ATRNL1: variants seen among roughly 807,000 people sequenced by gnomAD.
ATRNL1 encodes attractin-like protein 1.
In ATRNL1, 95 loss-of-function variants were observed where a neutral mutation model predicts 182.7. The observed-to-expected ratio is 0.52, with a 90% CI of 0.44 to 0.62. The LOEUF is 0.62. Ranked by LOEUF, ATRNL1 falls within the 20% of genes least tolerant of loss-of-function variation. The pLI is 0.00. For missense variants in ATRNL1, 1,471 were observed against 1,679.5 expected (o/e 0.88, Z 2.17); for synonymous variants, 576 against 568.3 (o/e 1.01, Z -0.19).
At chr10:115,202,732 T>A (rs1362809783) in intron 8 of ATRNL1, among the ~76,000 whole-genome samples, 1 of 146,400 alleles carries the variant, frequency 6.8e-6, no homozygotes, top group East Asian at 2.0e-4. Context: ...GGTATCAGGA[T>A]GATGCTGGCC....
chr10:115,727,074 A>T (rs1947622047), intron 26 of ATRNL1, among the ~76,000 whole-genome samples, 174 bp from the exon 27 acceptor site: 1 of 152,204 alleles, frequency 6.6e-6, no homozygotes, highest in African/African-American at 2.4e-5. Flanking sequence ...GTGGACATAC[A>T]GCCAAGGCCA....
chr10:115,393,196 T>C (rs1844117203), intron 19 of ATRNL1, among the ~76,000 whole-genome samples: 1 of 152,190 alleles, frequency 6.6e-6, no homozygotes, highest in African/African-American at 2.4e-5. Flanking sequence ...GCCCCTTTTA[T>C]TGACTCTATC....
intron 15 of ATRNL1, among the ~76,000 whole-genome samples, chr10:115,293,019 A>G (rs1340801428): frequency 2.0e-5 from 3 of 152,072 alleles, no homozygotes; most frequent in African/African-American, 7.2e-5. Flanking sequence ...TATTTTCCTT[A>G]TGTATCTAAG....
At chr10:115,541,826 A>G (rs1554992071) in intron 25 of ATRNL1, among the ~76,000 whole-genome samples, 1 of 152,192 alleles carries the variant, frequency 6.6e-6, no homozygotes. Context: ...TCCTTTTGAG[A>G]AGGAGAGAAT....
intron 28 of ATRNL1, among the ~76,000 whole-genome samples, chr10:115,896,591 A>G (rs1262808148): frequency 6.6e-6 from 1 of 152,210 alleles, no homozygotes. Context: ...AGATATTAAA[A>G]CATAAAACTA....
At chr10:115,808,524 T>C (rs2134250598) in intron 27 of ATRNL1, among the ~76,000 whole-genome samples, 1 of 152,290 alleles carries the variant, frequency 6.6e-6, no homozygotes, top group East Asian at 1.9e-4. Context: ...CATGATTTCA[T>C]TTCTCTTACG....
rs1851703860 is a variant in ATRNL1 at position 115,268,537 on chromosome 10, C to T, written c.2100+93C>T. 4.8e-6 allele frequency: 4 copies of T among 838,148 alleles called. No homozygotes were observed. The South Asian group carries it at 5.9e-5, about 12-fold the overall frequency. 51.9% of individuals were successfully genotyped at this position (838,148 alleles called of 1,614,324 possible). On this transcript the variant is annotated intron_variant, in intron 13 of 28. Transcript: ENST00000355044. ...ATTTAGTAGCACTGTAGAAAAAAAG[C>T]ACTTTACACATTAAGACATTTAGAA...
At position 115,724,501 on chromosome 10, in the gene ATRNL1, C is replaced by T. The variant is rs534430994; in HGVS notation, c.3796-2747C>T. On this transcript the variant is annotated intron_variant, in intron 26 of 28. Coordinates refer to ENST00000355044, the MANE Select transcript of ATRNL1 (RefSeq NM_207303.4). The stretch of plus-strand genomic sequence containing the variant: ...ATGTGCCAGCCTCTGTGTGGAACAG[C>T]CCAAGTGTGTTATCTCTTTAGTCTC... 4.7e-4 allele frequency among the ~76,000 whole-genome samples: 71 copies of T among 152,136 alleles called. 2 individuals are homozygous for T. In the South Asian group the frequency reaches 0.014, roughly 31 times the overall value.
At chr10:115,897,201 G>A (rs543002817) in intron 28 of ATRNL1, among the ~76,000 whole-genome samples, 14 of 152,162 alleles carry the variant, frequency 9.2e-5, no homozygotes, top group African/African-American at 3.4e-4. Flanking sequence ...ATTCAATCTT[G>A]CTAATAATTA....
At chr10:115,778,834 C>G (rs1289693684) in intron 27 of ATRNL1, among the ~76,000 whole-genome samples, 1 of 152,072 alleles carries the variant, frequency 6.6e-6, no homozygotes, top group East Asian at 1.9e-4. Context: ...GCAAAATGAC[C>G]ACAAGGCAAT....
Position 115,521,138 on chromosome 10 carries a change from T to TTTGTTGTTGTTGTTG in ATRNL1, c.3716+1836_3716+1850dup, listed in dbSNP as rs68061119. On this transcript the variant is annotated intron_variant, in intron 25 of 28. Coordinates refer to ENST00000355044, the MANE Select transcript of ATRNL1 (RefSeq NM_207303.4). ...CATTATTGAATGCATTAAAACAACTTTTGTTGTTGTTGTTGTTGTTGTTGT... is the reference window on the plus strand; with the variant it reads ...CATTATTGAATGCATTAAAACAACTTTTGTTGTTGTTGTTGTTGTTGTTGTTGTTGTTGTTGTTGT... 1.2e-3 allele frequency among the ~76,000 whole-genome samples: 172 copies of TTTGTTGTTGTTGTTG among 149,072 alleles called. 1 individual carries two copies. The highest frequency in any genetic ancestry group is 3.2e-3 in the African/African-American group (129 of 40,156).
At chr10:115,353,181 T>G (rs1856344067) in intron 19 of ATRNL1, among the ~76,000 whole-genome samples, 1 of 152,206 alleles carries the variant, frequency 6.6e-6, no homozygotes, top group Admixed American at 6.5e-5. Context: ...CCCCAGGCAT[T>G]ATTATATTGG....
chr10:115,651,390 A>G (rs1859992895), intron 26 of ATRNL1, among the ~76,000 whole-genome samples: 1 of 152,184 alleles, frequency 6.6e-6, no homozygotes, highest in Non-Finnish European at 1.5e-5. Flanking sequence ...TATTTTAAAA[A>G]GAAATACTAA....
At chr10:115,334,150 T>G (rs1855369028) in intron 18 of ATRNL1, 132 bp from the exon 19 acceptor site, 2 of 524,502 alleles carry the variant, frequency 3.8e-6, no homozygotes, top group Non-Finnish European at 3.1e-6. Flanking sequence ...TTATTAATTT[T>G]TAAACAAAAC....
intron 4 of ATRNL1, among the ~76,000 whole-genome samples, chr10:115,128,663 A>G (rs1047991565): frequency 1.3e-5 from 2 of 152,032 alleles, no homozygotes; most frequent in South Asian, 2.1e-4. Context: ...TGTCTCTACT[A>G]AAAATACAAA....
At chr10:115,166,580 GT>G (rs1318313424) in intron 7 of ATRNL1, among the ~76,000 whole-genome samples, 1 of 151,520 alleles carries the variant, frequency 6.6e-6, no homozygotes, top group Non-Finnish European at 1.5e-5. Context: ...GTTATTTTCT[GT>G]TTTTGTTTTT....
At chr10:115,418,352 CAAAA>C (rs1223380667) in intron 20 of ATRNL1, among the ~76,000 whole-genome samples, 3 of 151,776 alleles carry the variant, frequency 2.0e-5, no homozygotes, top group Admixed American at 6.6e-5. Context: ...ATAGATCAAA[CAAAA>C]GAAAGAATTA....
At chr10:115,882,559 A>G (rs1397789869) in intron 28 of ATRNL1, among the ~76,000 whole-genome samples, 2 of 151,572 alleles carry the variant, frequency 1.3e-5, no homozygotes, top group Non-Finnish European at 2.9e-5. Flanking sequence ...AAAATTTTCC[A>G]CTCTCCAGGG....
In ATRNL1 at chr10:115,093,867, G is replaced by A. The variant is rs1279079707; in HGVS notation, c.117G>A (p.Gly39=). The A allele has an allele frequency of 2.5e-6, 4 of 1,576,640 alleles. No homozygotes were observed. The highest frequency in any genetic ancestry group is 3.4e-6 in the Non-Finnish European group (4 of 1,164,580). The change falls in exon 1 of 29, where the codon GGG becomes GGA. Residue 39 remains glycine, a synonymous_variant. Transcript: ENST00000355044. This position sits in a 1 kb window ranked among gnomAD's most constrained non-coding sequence, Gnocchi z 6.1. ...GGGASSWLLD[G]NSWLLCYGFL... ...GCGCCTCCTCCTGGCTGCTGGACGG[G>A]AACAGCTGGCTGCTGTGCTATGGCT...
Sources: allele counts gnomAD v4.1 joint callset (sites outside exome capture counted in the v4.1 genomes callset), GRCh38; gene constraint gnomAD v4.1.1; non-coding constraint Gnocchi (gnomAD v3.1); transcripts MANE v1.5; gene names NCBI Gene and HGNC (gene_info 2026-07-23, HGNC 2026-07-21).